ADGRE3: variants seen among roughly 807,000 people sequenced by gnomAD.
The protein encoded by ADGRE3 is adhesion G protein-coupled receptor E3, also known as EGF-like module receptor 3.
Under a neutral mutation model 80.1 loss-of-function variants are expected in ADGRE3, and 88 were observed. The ratio of observed to expected loss-of-function variants is 1.10; its 90% CI spans 0.93 to 1.31. The LOEUF (loss-of-function observed/expected upper bound fraction) is 1.31. ADGRE3 is among the 40% of genes most tolerant of loss of function. ADGRE3 has a pLI of 0.00. For missense variants in ADGRE3, 715 were observed against 776.5 expected (o/e 0.92, Z 0.94); for synonymous variants, 281 against 294.8 (o/e 0.95, Z 0.48).
At chr19:14,669,241 A>C (rs1972186766) in intron 1 of ADGRE3, among the ~76,000 whole-genome samples, 1 of 152,216 alleles carries the variant, frequency 6.6e-6, no homozygotes, top group Non-Finnish European at 1.5e-5. Flanking sequence ...ATAAGAAAGA[A>C]TGAAATCATG....
intron 1 of ADGRE3, among the ~76,000 whole-genome samples, chr19:14,672,003 G>A (rs930451908): frequency 6.6e-6 from 1 of 152,102 alleles, no homozygotes; most frequent in African/African-American, 2.4e-5. Context: ...TCCTTCTGTG[G>A]CCTCCCAAAG....
chr19:14,650,674 TCTCTCTCTCC>T (rs1971579537), intron 7 of ADGRE3, among the ~76,000 whole-genome samples: 1 of 89,534 alleles, frequency 1.1e-5, no homozygotes, highest in Non-Finnish European at 2.4e-5. Context: ...TCTCTCTCTC[TCTCTCTCTCC>T]CCTCTTCCCA....
At chr19:14,641,205 A>G (rs1971237563) in intron 10 of ADGRE3, among the ~76,000 whole-genome samples, 2 of 152,212 alleles carry the variant, frequency 1.3e-5, no homozygotes, top group South Asian at 4.1e-4. Context: ...TATATGAAAT[A>G]TGAATATATG....
chr19:14,638,074 G>A, intron 11 of ADGRE3, 31 bp downstream of exon 11: 1 of 1,532,024 alleles, frequency 6.5e-7, no homozygotes. Flanking sequence ...TTAGGAAACT[G>A]TCCATGACAC....
At chr19:14,604,959 C>T in the ADGRE3 span, among the ~76,000 whole-genome samples, 2 of 152,098 alleles carry the variant, frequency 1.3e-5, no homozygotes, top group South Asian at 4.1e-4. Flanking sequence ...CACACCCAAA[C>T]AGCAACAATA....
At chr19:14,632,133 A>G (rs1380698952) in intron 13 of ADGRE3, among the ~76,000 whole-genome samples, 1 of 152,204 alleles carries the variant, frequency 6.6e-6, no homozygotes, top group Non-Finnish European at 1.5e-5. Context: ...AAATTGGTAT[A>G]TGTACAGAGA....
chr19:14,620,541 A>AC (rs1568471411), intron 15 of ADGRE3, among the ~76,000 whole-genome samples: 31 of 14,790 alleles, frequency 2.1e-3, no homozygotes, highest in African/African-American at 3.2e-3. Context: ...TATATTTTAT[A>AC]TATATATTAT....
At chr19:14,618,373 T>C (rs533323448), downstream of ADGRE3, among the ~76,000 whole-genome samples, 1 of 151,746 alleles carries the variant, frequency 6.6e-6, no homozygotes, top group East Asian at 1.9e-4. Context: ...CTGGCCAACA[T>C]GGTGAAACCT....
chr19:14,661,795 G>A (rs1971950713), intron 4 of ADGRE3, among the ~76,000 whole-genome samples, 168 bp downstream of exon 4: 1 of 152,144 alleles, frequency 6.6e-6, no homozygotes, highest in Admixed American at 6.6e-5. Flanking sequence ...AGCTACTTGG[G>A]AGGCTGAGAC....
At chr19:14,667,532 C>A (rs896044823) in intron 2 of ADGRE3, among the ~76,000 whole-genome samples, 4 of 152,060 alleles carry the variant, frequency 2.6e-5, no homozygotes, top group South Asian at 4.1e-4. Flanking sequence ...GAGTTCATGT[C>A]CTTTGCAGGG....
chr19:14,665,310 G>A (rs998462619), intron 2 of ADGRE3, among the ~76,000 whole-genome samples: 34 of 151,798 alleles, frequency 2.2e-4, no homozygotes, highest in African/African-American at 8.2e-4. Flanking sequence ...TGATCCGCCT[G>A]CCTCGGCCTC....
At chr19:14,645,118 A>G (rs1367571821) in intron 8 of ADGRE3, among the ~76,000 whole-genome samples, 1 of 152,104 alleles carries the variant, frequency 6.6e-6, no homozygotes, top group Non-Finnish European at 1.5e-5. Context: ...CTCCCTGGGA[A>G]CCACAGTTTC....
the ADGRE3 span, among the ~76,000 whole-genome samples, chr19:14,607,398 T>C: frequency 2.6e-5 from 4 of 151,286 alleles, no homozygotes; most frequent in African/African-American, 4.9e-5. Flanking sequence ...AGAGACGGGG[T>C]TTCACCGTGT....
rs1182655039 is a variant in ADGRE3, at chr19:14,647,224, A to G, written c.839T>C (p.Val280Ala). 5 of 1,613,940 alleles carry G rather than the reference A, an allele frequency of 3.1e-6. No homozygotes were observed. The South Asian group carries it at 4.4e-5, about 14-fold the overall frequency. Residue 280 changes from valine to alanine, a missense_variant, in exon 8 of 16, where the codon GTG (valine) becomes GCG (alanine). Physicochemically the swap from Val to Ala is moderately conservative, Grantham distance 64. Coordinates refer to ENST00000253673, the MANE Select transcript of ADGRE3 (RefSeq NM_032571.5). ...VSAAIGPKRN[V>A]SLSKSVTLTF... ...CAGCGTCACAGACTTGGAGAGAGAC[A>G]CGTTCCTTTTGGGTCCAATAGCAGC...
Position 14,647,375 on chromosome 19 carries a change from C to T in ADGRE3, c.698-10G>A. The T allele has an allele frequency of 6.8e-7, 1 of 1,461,310 alleles. No homozygotes were observed. Among genetic ancestry groups the T allele is most frequent in the Non-Finnish European group, 9.4e-7 (1 of 1,068,536 alleles). The allele number at this position is 1,461,310 out of a possible 1,614,324, so 90.5% of individuals were successfully genotyped here. ...GCAATGGCACTGGGACCTGAGGAAA[C>T]AGAAAGATGGAATCTTTTTTCTTTT... On this transcript the variant is annotated splice_polypyrimidine_tract_variant and intron_variant, in intron 7 of 15. Transcript: ENST00000253673.
At chr19:14,607,420 G>T in the ADGRE3 span, among the ~76,000 whole-genome samples, 6 of 151,788 alleles carry the variant, frequency 4.0e-5, no homozygotes, top group African/African-American at 1.2e-4. Context: ...AGCCAGGATG[G>T]TCTTGATCTC....
In ADGRE3 at chr19:14,635,659, C is replaced by T. The variant is rs557352560; in HGVS notation, c.1485-2357G>A. Among the ~76,000 whole-genome samples, 153 of 152,076 alleles carry T rather than the reference C, an allele frequency of 1.0e-3. 2 individuals are homozygous for T. The Middle Eastern group carries it at 0.01, about 10-fold the overall frequency. On this transcript the variant is annotated intron_variant, in intron 11 of 15. Coordinates refer to ENST00000253673, the MANE Select transcript of ADGRE3 (RefSeq NM_032571.5). The stretch of plus-strand genomic sequence containing the variant: ...AACTCCTGACCTCAGGTCATCCACC[C>T]GCCTCAGCCTCCCAAAGTGCTGGGA...
At chr19:14,642,182 G>C (rs147076569) in intron 9 of ADGRE3, among the ~76,000 whole-genome samples, 131 of 152,228 alleles carry the variant, frequency 8.6e-4, no homozygotes, top group African/African-American at 3.1e-3. Context: ...GGCTTAGATG[G>C]TAAATTTTAT....
At chr19:14,664,739 G>T (rs1465704820) in intron 2 of ADGRE3, among the ~76,000 whole-genome samples, 2 of 151,742 alleles carry the variant, frequency 1.3e-5, no homozygotes, top group South Asian at 2.1e-4. Context: ...ATTTGAATTT[G>T]TATGGTACCA....
Sources: gnomAD v4.1 joint callset for allele counts (sites outside exome capture counted in the v4.1 genomes callset) on GRCh38, gnomAD v4.1.1 for gene constraint, MANE v1.5 for transcripts, NCBI Gene and HGNC (gene_info 2026-07-23, HGNC 2026-07-21) for gene names.